ZNF236: variants seen among roughly 807,000 people sequenced by gnomAD.
The protein encoded by ZNF236 is zinc finger protein 236, also known as regulated by glucose.
ZNF236 carries 50 observed loss-of-function variants against 191.2 expected under a neutral mutation model. That is an observed-to-expected ratio of 0.26 (90% CI 0.21 to 0.33). The LOEUF is 0.33. Among genes scored for constraint, ZNF236 ranks in the 10% least tolerant of loss-of-function variants. The pLI is 1.00. For missense variants in ZNF236, 1,754 were observed against 2,374.5 expected (o/e 0.74, Z 5.43); for synonymous variants, 907 against 928.8 (o/e 0.98, Z 0.43).
At chr18:76,935,849 C>T (rs77312532) in intron 25 of ZNF236, 5,811 of 376,354 alleles carry the variant, frequency 0.015, 289 homozygotes, top group African/African-American at 0.11. Flanking sequence ...CCACACTCCT[C>T]GGGCTCCCAC....
chr18:76,908,551 T>C lies in ZNF236; in HGVS notation c.2529T>C (p.Asp843=). The change falls in exon 14 of 31, where the codon GAT becomes GAC. Residue 843 remains aspartate, a synonymous_variant. Coordinates refer to ENST00000320610, the MANE Select transcript of ZNF236 (RefSeq NM_001306089.2). ...EEAGLGQQLA[D]QPLEADEDGF... ...CAGGGCTGGGCCAGCAGTTGGCAGA[T>C]CAGCCCCTGGAAGCAGATGAAGGTA... 6.2e-7 allele frequency: 1 copy of C among 1,610,376 alleles called. No individual in the cohort carries two copies. Among genetic ancestry groups the C allele is most frequent in the African/African-American group, 1.3e-5 (1 of 75,048 alleles).
intron 9 of ZNF236, among the ~76,000 whole-genome samples, chr18:76,883,052 C>G (rs1027485205): frequency 6.6e-6 from 1 of 152,228 alleles, no homozygotes; most frequent in Non-Finnish European, 1.5e-5. Flanking sequence ...TACACATAGC[C>G]ATGGTCCTTA....
At chr18:76,893,663 G>A (rs1977314529) in intron 9 of ZNF236, among the ~76,000 whole-genome samples, 1 of 151,940 alleles carries the variant, frequency 6.6e-6, no homozygotes, top group South Asian at 2.1e-4. Flanking sequence ...ATGCACCACC[G>A]CACCTGGCTA....
At chr18:76,833,003 T>C (rs1290055724) in intron 1 of ZNF236, among the ~76,000 whole-genome samples, 1 of 152,212 alleles carries the variant, frequency 6.6e-6, no homozygotes, top group African/African-American at 2.4e-5. Context: ...TTTTAAAAAT[T>C]TCATTTTCTA....
In ZNF236 at chr18:76,880,440, C is replaced by G; in HGVS notation, c.1188+124C>G. On this transcript the variant is annotated intron_variant, in intron 8 of 30. Coordinates refer to ENST00000320610, the MANE Select transcript of ZNF236 (RefSeq NM_001306089.2). The surrounding 1 kb of genome is among the most constrained non-coding windows in gnomAD (Gnocchi z 5.0). ...CAGGGTATCCTCATGAAAAATGTGCCTGAACCGAAAGAAATTAATATGCCT... is the reference window on the plus strand; with the variant it reads ...CAGGGTATCCTCATGAAAAATGTGCGTGAACCGAAAGAAATTAATATGCCT... 16 of 1,034,992 alleles carry G rather than the reference C, an allele frequency of 1.5e-5. No homozygotes were observed. The South Asian group carries it at 3.1e-4, about 20-fold the overall frequency. 64.1% of individuals were successfully genotyped at this position (1,034,992 alleles called of 1,614,324 possible).
chr18:76,834,388 TTC>T (rs1491023015), intron 1 of ZNF236: 2 of 180,438 alleles, frequency 1.1e-5, no homozygotes, highest in Non-Finnish European at 1.2e-5. Context: ...TTTTTTTTTT[TTC>T]ATTTCAAGTT....
intron 26 of ZNF236, among the ~76,000 whole-genome samples, chr18:76,941,284 C>T (rs1968127752): frequency 6.6e-6 from 1 of 152,174 alleles, no homozygotes; most frequent in Admixed American, 6.5e-5. Flanking sequence ...CTGTCCTCAC[C>T]AGCTGGCAGC....
At chr18:76,911,190 G>A (rs763887932) in intron 16 of ZNF236, among the ~76,000 whole-genome samples, 3 of 152,270 alleles carry the variant, frequency 2.0e-5, no homozygotes, top group East Asian at 3.9e-4. Flanking sequence ...GAATGCTGAC[G>A]TTAAAAAATA....
rs1300778796 is a variant in ZNF236, at chr18:76,926,663, C to CTG, written c.4028-366_4028-365dup. ...ATATATGGTATAAAGGGTGATTAGA[C>CTG]TGTGTGTGTATATATGGTATAAAGA... On this transcript the variant is annotated intron_variant, in intron 22 of 30. Transcript: ENST00000320610. Among the ~76,000 whole-genome samples the CTG allele has an allele frequency of 1.6e-4, 7 of 45,108 alleles. No individual in the cohort carries two copies. In the Admixed American group the frequency reaches 1.6e-3, roughly 10 times the overall value. The allele number at this position is 45,108 out of a possible 152,430, so 29.6% of individuals were successfully genotyped here. A position where few individuals can be genotyped will look rare whatever the true frequency, so the allele number is the denominator to read the frequency against.
At chr18:76,876,944 C>G (rs1054340734) in intron 6 of ZNF236, among the ~76,000 whole-genome samples, 29 of 152,090 alleles carry the variant, frequency 1.9e-4, no homozygotes, top group African/African-American at 5.8e-4. Context: ...TGGGTTGTTC[C>G]AGAAAGAGCC....
At chr18:76,947,852 C>T (rs1460374822) in intron 27 of ZNF236, among the ~76,000 whole-genome samples, 200 bp downstream of exon 27, 2 of 151,932 alleles carry the variant, frequency 1.3e-5, no homozygotes, top group South Asian at 2.1e-4. Context: ...ATATCTCATT[C>T]GTTTTGTGAT....
At chr18:76,878,707 T>C (rs990594511) in intron 7 of ZNF236, among the ~76,000 whole-genome samples, 1 of 151,908 alleles carries the variant, frequency 6.6e-6, no homozygotes, top group Non-Finnish European at 1.5e-5. Context: ...TTACTCGTAC[T>C]GCACTACCCT....
chr18:76,877,812 T>G (rs1976757035), intron 6 of ZNF236, among the ~76,000 whole-genome samples, 197 bp from the exon 7 acceptor site: 1 of 152,222 alleles, frequency 6.6e-6, no homozygotes, highest in Non-Finnish European at 1.5e-5. Context: ...CAATTCATCT[T>G]ATACCGGCAA....
intron 20 of ZNF236, among the ~76,000 whole-genome samples, chr18:76,921,778 G>C (rs2122812725): frequency 8.5e-6 from 1 of 117,798 alleles, no homozygotes; most frequent in Middle Eastern, 8.8e-3. Flanking sequence ...GTCTCGCTCT[G>C]TCGCCCAGGC....
At chr18:76,916,197 A>G (rs1344283308) in intron 19 of ZNF236, among the ~76,000 whole-genome samples, 1 of 152,194 alleles carries the variant, frequency 6.6e-6, no homozygotes, top group Non-Finnish European at 1.5e-5. Flanking sequence ...TATATAGTGT[A>G]GTATGCTTAA....
chr18:76,834,465 T>TA, intron 1 of ZNF236: 1 of 387,974 alleles, frequency 2.6e-6, no homozygotes, highest in Non-Finnish European at 5.0e-6. Flanking sequence ...CTTCCTTATA[T>TA]TTGCCCTTTT....
intron 3 of ZNF236, among the ~76,000 whole-genome samples, chr18:76,855,280 G>A (rs2122534659): frequency 6.6e-6 from 1 of 152,084 alleles, no homozygotes; most frequent in East Asian, 1.9e-4. Context: ...AATATATTTT[G>A]GAATAAATCC....
chr18:76,904,390 G>A lies in ZNF236; in HGVS notation c.1905G>A (p.Gln635=). 1.2e-6 allele frequency: 2 copies of A among 1,608,136 alleles called. No homozygotes were observed. The highest frequency in any genetic ancestry group is 2.3e-5 in the East Asian group (1 of 44,386). The change falls in exon 12 of 31, where the codon CAG becomes CAA. Residue 635 remains glutamine (Q), a synonymous_variant. Coordinates refer to ENST00000320610, the MANE Select transcript of ZNF236 (RefSeq NM_001306089.2). ...PILITDLGLI[Q]PIPKNQFFQS... ...TCTTTTGCTTTGTAGGTCTCATCCA[G>A]CCCATTCCAAAAAACCAGTTTTTCC... is the stretch of plus-strand genomic sequence containing the variant.
chr18:76,901,878 G>A (rs117870293), intron 11 of ZNF236, among the ~76,000 whole-genome samples: 7 of 152,162 alleles, frequency 4.6e-5, no homozygotes, highest in Admixed American at 2.6e-4. Flanking sequence ...CCATGGTAGC[G>A]TAGAATACTT....
Sources: allele counts gnomAD v4.1 joint callset (sites outside exome capture counted in the v4.1 genomes callset), GRCh38; gene constraint gnomAD v4.1.1; non-coding constraint Gnocchi (gnomAD v3.1); transcripts MANE v1.5; gene names NCBI Gene and HGNC (gene_info 2026-07-23, HGNC 2026-07-21).